The following IGF1R variants were observed in gnomAD, a reference collection of about 807,000 sequenced individuals.
IGF1R encodes insulin like growth factor 1 receptor, also known as insulin-like growth factor 1 receptor.
Under a neutral mutation model 144.6 loss-of-function variants are expected in IGF1R, and 44 were observed. That is an observed-to-expected ratio of 0.30 (90% confidence interval 0.24 to 0.39). The LOEUF is 0.39. Among genes scored for constraint, IGF1R ranks in the 10% least tolerant of loss-of-function variants. The probability of loss-of-function intolerance (pLI) is 1.00; values close to 1 mark genes in which losing one functional copy is unlikely to be tolerated. For synonymous variants in IGF1R, 795 were observed against 722.8 expected (o/e 1.10, Z -1.60); for missense variants, 1,355 against 1,833.7 (o/e 0.74, Z 4.77).
At chr15:98,903,099 A>T in intron 5 of IGF1R, among the ~76,000 whole-genome samples, 1 of 152,162 alleles carries the variant, frequency 6.6e-6, no homozygotes, top group Middle Eastern at 3.2e-3. Context: ...GAAAATCAAG[A>T]CCGCTCTGCT....
intron 2 of IGF1R, among the ~76,000 whole-genome samples, chr15:98,830,097 T>C (rs1277118706): frequency 6.6e-6 from 1 of 152,214 alleles, no homozygotes; most frequent in Non-Finnish European, 1.5e-5. Context: ...ACCTGGAATC[T>C]CTTTCTTCTT....
chr15:98,911,164 A>T, intron 6 of IGF1R, 151 bp from the exon 7 acceptor site: 1 of 821,578 alleles, frequency 1.2e-6, no homozygotes, highest in Non-Finnish European at 2.0e-6. Flanking sequence ...ATGATTTCTT[A>T]GTGGAAAACG....
chr15:98,688,414 CTGTGTGTGTGTGTGTGTGTGTG>C (rs10528336), intron 1 of IGF1R, among the ~76,000 whole-genome samples: 3 of 143,506 alleles, frequency 2.1e-5, no homozygotes, highest in Admixed American at 1.4e-4. Flanking sequence ...CAACACACAC[CTGTGTGTGTGTGTGTGTGTGTG>C]TGTGTGTGTG....
chr15:98,701,792 A>G (rs2053739323), intron 1 of IGF1R, among the ~76,000 whole-genome samples: 1 of 152,182 alleles, frequency 6.6e-6, no homozygotes, highest in South Asian at 2.1e-4. Flanking sequence ...TGTTAGTAAT[A>G]TTTACATTGG....
chr15:98,930,636 C>T (rs1440858833), intron 15 of IGF1R, among the ~76,000 whole-genome samples: 4 of 151,376 alleles, frequency 2.6e-5, no homozygotes, highest in Non-Finnish European at 5.9e-5. Flanking sequence ...TTGTTAACAT[C>T]TAGTCAGAGG....
chr15:98,900,506 G>C (rs1349483628), intron 5 of IGF1R: 1 of 152,212 alleles, frequency 6.6e-6, no homozygotes, highest in East Asian at 1.9e-4. Context: ...ACTGCATAAG[G>C]GTTTCTTTAC....
intron 2 of IGF1R, among the ~76,000 whole-genome samples, chr15:98,782,030 G>A (rs953976939): frequency 2.0e-5 from 3 of 151,990 alleles, no homozygotes; most frequent in African/African-American, 7.3e-5. Context: ...GTCTTGCTGT[G>A]TTGCCCTGTC....
At chr15:98,881,383 C>T (rs1040098282) in intron 2 of IGF1R, among the ~76,000 whole-genome samples, 1 of 152,216 alleles carries the variant, frequency 6.6e-6, no homozygotes, top group African/African-American at 2.4e-5. Flanking sequence ...CGCAGTGGCG[C>T]GATCTCAGCT....
At chr15:98,810,554 CTTTTTTTTTT>C (rs1289249437) in intron 2 of IGF1R, among the ~76,000 whole-genome samples, 2 of 138,720 alleles carry the variant, frequency 1.4e-5, no homozygotes, top group Admixed American at 7.2e-5. Context: ...CTTTTCTTTT[CTTTTTTTTTT>C]TTTTTTGAGA....
intron 2 of IGF1R, among the ~76,000 whole-genome samples, chr15:98,751,959 C>G (rs961595043): frequency 6.6e-6 from 1 of 152,146 alleles, no homozygotes; most frequent in Non-Finnish European, 1.5e-5. Context: ...AGACTCTTCA[C>G]TGTTTGTATT....
At chr15:98,894,799 G>A (rs2014097438) in intron 3 of IGF1R, among the ~76,000 whole-genome samples, 3 of 152,218 alleles carry the variant, frequency 2.0e-5, no homozygotes, top group South Asian at 2.1e-4. Context: ...ACCTTGGGAG[G>A]CTGAGGCAGG....
intron 2 of IGF1R, among the ~76,000 whole-genome samples, chr15:98,851,168 C>T (rs1238636765): frequency 6.6e-6 from 1 of 152,106 alleles, no homozygotes; most frequent in Non-Finnish European, 1.5e-5. Context: ...GTGTGTGGCC[C>T]ATCCAGGGAC....
intron 1 of IGF1R, among the ~76,000 whole-genome samples, chr15:98,693,005 C>T (rs1400124399): frequency 6.6e-6 from 1 of 152,110 alleles, no homozygotes; most frequent in African/African-American, 2.4e-5. Context: ...TCCCTTTGTC[C>T]CGTGTTCCAT....
chr15:98,692,398 G>A (rs1232739896), intron 1 of IGF1R, among the ~76,000 whole-genome samples: 1 of 152,140 alleles, frequency 6.6e-6, no homozygotes, highest in Non-Finnish European at 1.5e-5. Flanking sequence ...GGAATGCAGT[G>A]GTGTCATCAT....
chr15:98,790,626 T>A (rs987520139), intron 2 of IGF1R, among the ~76,000 whole-genome samples: 4 of 152,178 alleles, frequency 2.6e-5, no homozygotes, highest in African/African-American at 9.7e-5. Context: ...AGCAGACCCT[T>A]CTGTCTCTGT....
intron 2 of IGF1R, chr15:98,820,850 C>T (rs1457370290): frequency 6.6e-6 from 1 of 152,180 alleles, no homozygotes; most frequent in Non-Finnish European, 1.5e-5. Flanking sequence ...TTACGGAACA[C>T]CTCTCTTTGA....
rs1596280029 is a variant in IGF1R, at chr15:98,762,781, C to T, written c.640+54674C>T. On this transcript the variant is annotated intron_variant, in intron 2 of 20. Transcript: ENST00000650285. ...AAACAAAACAGGCTGGGCACGGTGG[C>T]TCATGTCTGTAATCCCAGCACTTTA... Among the ~76,000 whole-genome samples the T allele has an allele frequency of 2.0e-5, 3 of 152,110 alleles. No individual in the cohort carries two copies. The East Asian group carries it at 5.8e-4, about 29-fold the overall frequency.
rs71149408 is a variant in IGF1R, at chr15:98,674,977, A to ATTTTT, written c.94+25322_94+25326dup. 5.8e-3 allele frequency among the ~76,000 whole-genome samples: 572 copies of ATTTTT among 98,872 alleles called. 16 individuals are homozygous for ATTTTT. Among genetic ancestry groups the ATTTTT allele is most frequent in the African/African-American group, 0.022 (524 of 23,960 alleles). 64.9% of individuals were successfully genotyped at this position (98,872 alleles called of 152,430 possible). The stretch of plus-strand genomic sequence containing the variant: ...AAATGCTAAATTTAGGTATTTTACA[A>ATTTTT]TTTTTTTTTTTTTTTTTTTTTTTTG... On this transcript the variant is annotated intron_variant, in intron 1 of 20. Coordinates refer to ENST00000650285, the MANE Select transcript of IGF1R (RefSeq NM_000875.5).
chr15:98,676,414 G>C lies in IGF1R; in HGVS notation c.94+26739G>C, dbSNP rs184956961. Among the ~76,000 whole-genome samples the C allele has an allele frequency of 4.6e-5, 7 of 152,246 alleles. No individual in the cohort carries two copies. The East Asian group carries it at 1.4e-3, about 29-fold the overall frequency. The stretch of plus-strand genomic sequence containing the variant: ...ACCTCCCAAAGTGCTAGGATTACAG[G>C]CGTGAGCCACCGCTCCTGGCCGAGA... On this transcript the variant is annotated intron_variant, in intron 1 of 20. Transcript: ENST00000650285.
Sources: gnomAD v4.1 joint callset for allele counts (sites outside exome capture counted in the v4.1 genomes callset) on GRCh38, gnomAD v4.1.1 for gene constraint, MANE v1.5 for transcripts, NCBI Gene and HGNC (gene_info 2026-07-23, HGNC 2026-07-21) for gene names.